The following MAST4 variants were observed in gnomAD, a reference collection of about 807,000 sequenced individuals.
The protein encoded by MAST4 is microtubule associated serine/threonine kinase family member 4.
In MAST4, 89 loss-of-function variants were observed where a neutral mutation model predicts 162.7. The observed-to-expected ratio is 0.55, with a 90% CI of 0.46 to 0.65. The LOEUF (loss-of-function observed/expected upper bound fraction) is 0.65, where lower values mean the gene tolerates loss of function less well. Among genes scored for constraint, MAST4 ranks in the 30% least tolerant of loss-of-function variants. The pLI is 0.00. For synonymous variants in MAST4, 1,479 were observed against 1,361.1 expected (o/e 1.09, Z -1.91); for missense variants, 3,153 against 3,374.0 (o/e 0.93, Z 1.62).
intron 1 of MAST4, among the ~76,000 whole-genome samples, chr5:66,650,438 G>A (rs1355370522): frequency 1.3e-5 from 2 of 152,058 alleles, no homozygotes; most frequent in African/African-American, 4.8e-5. Context: ...CCACCGATAT[G>A]ACATCACTGG....
intron 5 of MAST4, among the ~76,000 whole-genome samples, chr5:67,078,951 TG>T (rs1762277059): frequency 2.1e-5 from 2 of 95,880 alleles, no homozygotes; most frequent in African/African-American, 1.2e-4. Flanking sequence ...TATATATATA[TG>T]GCAATCTGAT....
At chr5:66,966,188 G>A (rs896703942) in intron 4 of MAST4, among the ~76,000 whole-genome samples, 1 of 152,130 alleles carries the variant, frequency 6.6e-6, no homozygotes, top group African/African-American at 2.4e-5. Flanking sequence ...TCTTTCCACT[G>A]TGACTAACTT....
chr5:66,991,102 G>T (rs1750023608), intron 4 of MAST4, among the ~76,000 whole-genome samples: 7 of 152,164 alleles, frequency 4.6e-5, no homozygotes, highest in Admixed American at 3.9e-4. Flanking sequence ...GAGACTACAG[G>T]CATGAAACAG....
chr5:66,667,655 T>C (rs1230861260), intron 1 of MAST4, among the ~76,000 whole-genome samples: 3 of 152,194 alleles, frequency 2.0e-5, no homozygotes, highest in Non-Finnish European at 4.4e-5. Context: ...CCACCACTTA[T>C]GGTCAGTGAA....
chr5:66,704,983 G>C (rs768636619), intron 1 of MAST4, among the ~76,000 whole-genome samples: 1 of 152,124 alleles, frequency 6.6e-6, no homozygotes, highest in Admixed American at 6.5e-5. Context: ...GAGAGTTTTT[G>C]TTCTTCCTGG....
At chr5:66,706,608 AT>A (rs11294899) in intron 1 of MAST4, among the ~76,000 whole-genome samples, 107,843 of 149,180 alleles carry the variant, frequency 0.72, 39,198 homozygotes, top group East Asian at 0.86. Flanking sequence ...AGAAATAGTA[AT>A]TTTTTTTTTT....
intron 4 of MAST4, among the ~76,000 whole-genome samples, chr5:66,935,083 T>C (rs768080362): frequency 5.9e-5 from 9 of 152,206 alleles, no homozygotes; most frequent in Admixed American, 2.6e-4. Context: ...TCTGAGGCTT[T>C]CGTGAGAGAG....
At chr5:66,687,901 C>T (rs1172505708) in intron 1 of MAST4, among the ~76,000 whole-genome samples, 3 of 152,136 alleles carry the variant, frequency 2.0e-5, no homozygotes, top group Non-Finnish European at 4.4e-5. Flanking sequence ...ATGTTAAGTT[C>T]AACTGATGTT....
intron 2 of MAST4, among the ~76,000 whole-genome samples, chr5:66,760,987 T>A (rs938107146): frequency 6.6e-6 from 1 of 152,206 alleles, no homozygotes; most frequent in Non-Finnish European, 1.5e-5. Flanking sequence ...GAAAAGAAAC[T>A]GCTAAACGGT....
intron 1 of MAST4, among the ~76,000 whole-genome samples, chr5:66,666,134 T>G (rs1316492757): frequency 6.6e-6 from 1 of 152,214 alleles, no homozygotes; most frequent in East Asian, 1.9e-4. Context: ...AGTTATTCAG[T>G]ATATTCCTGC....
chr5:66,788,325 G>T (rs183737815), intron 2 of MAST4, among the ~76,000 whole-genome samples: 5 of 152,226 alleles, frequency 3.3e-5, no homozygotes, highest in Admixed American at 1.3e-4. Flanking sequence ...ACTTACAAAT[G>T]CACGCGCTTA....
chr5:66,750,411 G>T (rs1753063286), intron 1 of MAST4, among the ~76,000 whole-genome samples: 2 of 152,234 alleles, frequency 1.3e-5, no homozygotes, highest in African/African-American at 4.8e-5. Context: ...GGGAGTGCCA[G>T]ACAGTGGGCG....
intron 3 of MAST4, chr5:66,789,583 G>C (rs1304568444): frequency 2.9e-6 from 1 of 343,840 alleles, no homozygotes; most frequent in Non-Finnish European, 5.9e-6. Context: ...GCGAGATTCA[G>C]GTTTTTGCAT....
chr5:66,974,686 T>C (rs1273814551), intron 4 of MAST4, among the ~76,000 whole-genome samples: 1 of 152,218 alleles, frequency 6.6e-6, no homozygotes, highest in Non-Finnish European at 1.5e-5. Flanking sequence ...ATGTTAGAAC[T>C]TTTTACCATG....
intron 4 of MAST4, among the ~76,000 whole-genome samples, chr5:66,934,426 G>A (rs11956688): frequency 0.12 from 18,402 of 152,036 alleles, 1,901 homozygotes; most frequent in African/African-American, 0.28. Context: ...TATTTAGCCA[G>A]CTTGATTATT....
At chr5:66,890,679 T>G (rs916056396) in intron 3 of MAST4, among the ~76,000 whole-genome samples, 1 of 152,212 alleles carries the variant, frequency 6.6e-6, no homozygotes, top group Admixed American at 6.5e-5. Flanking sequence ...CAACTATGAA[T>G]GCAGCCTGAT....
At chr5:66,709,489 T>C (rs1378740294) in intron 1 of MAST4, among the ~76,000 whole-genome samples, 1 of 152,034 alleles carries the variant, frequency 6.6e-6, no homozygotes, top group Non-Finnish European at 1.5e-5. Context: ...CTAATTTTTT[T>C]CATTTTTTGT....
intron 1 of MAST4, among the ~76,000 whole-genome samples, chr5:66,685,261 TCAAACAAAACAAAACAAAACAAAACAAAA>T (rs1358826592): frequency 9.9e-6 from 1 of 100,684 alleles, no homozygotes; most frequent in Non-Finnish European, 2.2e-5. Flanking sequence ...AGACCTTGTC[TCAAACAAAACAAAACAAAACAAAACAAAA>T]CAAAACAAAA....
chr5:66,997,270 C>G (rs1750759844), intron 4 of MAST4, among the ~76,000 whole-genome samples: 1 of 151,950 alleles, frequency 6.6e-6, no homozygotes, highest in Non-Finnish European at 1.5e-5. Context: ...ATATATGGGT[C>G]TATGTATGTA....
Sources: gnomAD v4.1 joint callset for allele counts (sites outside exome capture counted in the v4.1 genomes callset) on GRCh38, gnomAD v4.1.1 for gene constraint, MANE v1.5 for transcripts, NCBI Gene and HGNC (gene_info 2026-07-23, HGNC 2026-07-21) for gene names.